Variants in ZBTB20 observed in about 807,000 individuals in gnomAD.
The protein encoded by ZBTB20 is zinc finger and BTB domain-containing protein 20.
ZBTB20 carries 9 observed loss-of-function variants against 56.9 expected under a neutral mutation model. The observed-to-expected ratio is 0.16, with a 90% CI of 0.10 to 0.28. The LOEUF (loss-of-function observed/expected upper bound fraction) is 0.28, where lower values mean the gene tolerates loss of function less well. Ranked by LOEUF, ZBTB20 falls within the 10% of genes least tolerant of loss-of-function variation. The pLI is 1.00. For synonymous variants in ZBTB20, 417 were observed against 420.7 expected, an observed-to-expected ratio of 0.99 and a Z score of 0.11; for missense variants, 655 against 1,003.0, an observed-to-expected ratio of 0.65 and a Z score of 4.69.
At chr3:114,777,682 T>C (rs941027936) in intron 5 of ZBTB20, among the ~76,000 whole-genome samples, 1 of 152,176 alleles carries the variant, frequency 6.6e-6, no homozygotes, top group African/African-American at 2.4e-5. Flanking sequence ...TGGAAGTCGG[T>C]GTGGCGATTC....
chr3:114,902,847 A>C (rs1415773025), intron 3 of ZBTB20, among the ~76,000 whole-genome samples: 1 of 152,182 alleles, frequency 6.6e-6, no homozygotes, highest in Non-Finnish European at 1.5e-5. Context: ...CTGTTATGAC[A>C]ACACCACCAG....
intron 4 of ZBTB20, among the ~76,000 whole-genome samples, chr3:114,886,796 G>T (rs1412845550): frequency 6.6e-6 from 1 of 152,126 alleles, no homozygotes; most frequent in Non-Finnish European, 1.5e-5. Flanking sequence ...AAGGTGCTAA[G>T]GCTACAAGTA....
chr3:114,962,412 T>C (rs540220543), intron 3 of ZBTB20, among the ~76,000 whole-genome samples: 1 of 152,122 alleles, frequency 6.6e-6, no homozygotes, highest in East Asian at 1.9e-4. Flanking sequence ...AAACAAGTAA[T>C]AAGATAACAG....
rs2076880273 is a variant in ZBTB20 at position 114,946,137 on chromosome 3, T to C, written c.-456+28229A>G. On this transcript the variant is annotated intron_variant, in intron 3 of 11. Coordinates refer to ENST00000675478, the MANE Select transcript of ZBTB20 (RefSeq NM_001348800.3). ...AAAAGTTGGTAGATAAATAAAAGTTTTGAACACCAAGATTTAGCAAATTTG... is the reference window on the plus strand; with the variant it reads ...AAAAGTTGGTAGATAAATAAAAGTTCTGAACACCAAGATTTAGCAAATTTG... Among the ~76,000 whole-genome samples, 3 of 145,698 alleles carry C rather than the reference T, an allele frequency of 2.1e-5. 1 individual carries two copies. The South Asian group carries it at 6.4e-4, about 31-fold the overall frequency.
intron 7 of ZBTB20, among the ~76,000 whole-genome samples, chr3:114,396,019 C>A (rs2086303790): frequency 1.3e-5 from 2 of 152,070 alleles, no homozygotes; most frequent in Admixed American, 6.5e-5. Context: ...CACCCACACA[C>A]CCACACACAC....
At chr3:114,985,761 T>A (rs544791324) in intron 2 of ZBTB20, among the ~76,000 whole-genome samples, 62 of 152,202 alleles carry the variant, frequency 4.1e-4, no homozygotes, top group African/African-American at 1.4e-3. Context: ...ATATCCTGAC[T>A]ATACCTAGCC....
At chr3:114,830,941 A>T (rs2108956868) in intron 4 of ZBTB20, among the ~76,000 whole-genome samples, 2 of 151,966 alleles carry the variant, frequency 1.3e-5, no homozygotes, top group South Asian at 4.2e-4. Context: ...AAGGTTGCCT[A>T]TTCTGGTCAC....
intron 6 of ZBTB20, among the ~76,000 whole-genome samples, chr3:114,534,393 G>T (rs1181115938): frequency 3.9e-5 from 6 of 152,036 alleles, no homozygotes; most frequent in Admixed American, 3.3e-4. Flanking sequence ...AGACAATGAA[G>T]GGCATTACGT....
intron 5 of ZBTB20, among the ~76,000 whole-genome samples, chr3:114,765,384 C>G (rs1374341865): frequency 6.6e-6 from 1 of 152,052 alleles, no homozygotes; most frequent in African/African-American, 2.4e-5. Flanking sequence ...TGGACATGGG[C>G]ACACATACAC....
Position 115,078,273 on chromosome 3 carries a change from T to C in ZBTB20, c.-702-6859A>G, listed in dbSNP as rs552939692. On this transcript the variant is annotated intron_variant, in intron 1 of 11. Coordinates refer to ENST00000675478, the MANE Select transcript of ZBTB20 (RefSeq NM_001348800.3). ...TATTCTATGTTGTTTTTGATATGAA[T>C]GAATGAATAAAAGAGCAATATGAAG... Among the ~76,000 whole-genome samples the C allele has an allele frequency of 3.9e-5, 6 of 152,294 alleles. No homozygotes were observed. In the East Asian group the frequency reaches 1.2e-3, roughly 29 times the overall value.
At chr3:115,075,977 A>C (rs58373863) in intron 1 of ZBTB20, among the ~76,000 whole-genome samples, 13,567 of 152,160 alleles carry the variant, frequency 0.089, 1,768 homozygotes, top group African/African-American at 0.29. Context: ...ATTTCTATAT[A>C]TTAACAAGGA....
intron 4 of ZBTB20, among the ~76,000 whole-genome samples, chr3:114,804,670 G>A (rs573731899): frequency 1.3e-5 from 2 of 151,704 alleles, no homozygotes; most frequent in Non-Finnish European, 2.9e-5. Context: ...ATATATGAGA[G>A]AGGGCAGAAT....
chr3:114,929,676 A>G (rs1415222728), intron 3 of ZBTB20, among the ~76,000 whole-genome samples: 2 of 152,234 alleles, frequency 1.3e-5, no homozygotes, highest in Admixed American at 6.5e-5. Context: ...AGGTACTTAC[A>G]TAGTTCATAT....
At chr3:114,742,078 T>C (rs1218816709) in intron 5 of ZBTB20, among the ~76,000 whole-genome samples, 1 of 152,100 alleles carries the variant, frequency 6.6e-6, no homozygotes, top group Non-Finnish European at 1.5e-5. Flanking sequence ...TAGGGGCATG[T>C]TAGTTTTTAG....
chr3:115,104,242 T>C (rs2083660344), intron 1 of ZBTB20, among the ~76,000 whole-genome samples: 1 of 152,160 alleles, frequency 6.6e-6, no homozygotes, highest in African/African-American at 2.4e-5. Context: ...CTCTCATTCA[T>C]TGTTGGTAGG....
intron 6 of ZBTB20, among the ~76,000 whole-genome samples, chr3:114,547,031 G>A (rs1277226055): frequency 6.6e-6 from 1 of 152,182 alleles, no homozygotes; most frequent in African/African-American, 2.4e-5. Flanking sequence ...GGGGATGCAT[G>A]AGGAACCAGT....
chr3:114,715,532 T>C (rs1011311203), intron 5 of ZBTB20, among the ~76,000 whole-genome samples: 28 of 152,214 alleles, frequency 1.8e-4, no homozygotes, highest in African/African-American at 6.0e-4. Context: ...ACAATAACAC[T>C]GACAGCTTTC....
At chr3:115,100,699 C>T (rs1480680326) in intron 1 of ZBTB20, 1 of 152,152 alleles carries the variant, frequency 6.6e-6, no homozygotes, top group East Asian at 1.9e-4. Flanking sequence ...TCAGTTCTGG[C>T]AGTACATGTA....
At chr3:114,777,700 G>T (rs1578822989) in intron 5 of ZBTB20, among the ~76,000 whole-genome samples, 1 of 152,070 alleles carries the variant, frequency 6.6e-6, no homozygotes, top group Non-Finnish European at 1.5e-5. Flanking sequence ...TTCCGCAGGG[G>T]TCTAGAACTA....
Sources: gnomAD v4.1 joint callset for allele counts (sites outside exome capture counted in the v4.1 genomes callset) on GRCh38, gnomAD v4.1.1 for gene constraint, MANE v1.5 for transcripts, NCBI Gene and HGNC (gene_info 2026-07-23, HGNC 2026-07-21) for gene names.